ASTN2: variants seen among roughly 807,000 people sequenced by gnomAD.
ASTN2 encodes the protein astrotactin 2.
In ASTN2, 54 loss-of-function variants were observed where a neutral mutation model predicts 139.8. The ratio of observed to expected loss-of-function variants is 0.39; its 90% CI spans 0.31 to 0.48. ASTN2 has a LOEUF of 0.48. Ranked by LOEUF, ASTN2 falls within the 20% of genes least tolerant of loss-of-function variation. ASTN2 has a pLI of 0.95. For missense variants in ASTN2, 1,565 were observed against 1,725.1 expected (o/e 0.91, Z 1.64); for synonymous variants, 756 against 719.5 (o/e 1.05, Z -0.81).
intron 3 of ASTN2, among the ~76,000 whole-genome samples, chr9:117,209,081 TC>T (rs1426223264): frequency 2.0e-5 from 3 of 151,752 alleles, no homozygotes; most frequent in Non-Finnish European, 2.9e-5. Flanking sequence ...GAGAAAGGAA[TC>T]AAACCTTATC....
At chr9:116,968,817 C>G (rs1017630192) in intron 10 of ASTN2, among the ~76,000 whole-genome samples, 1 of 149,524 alleles carries the variant, frequency 6.7e-6, no homozygotes, top group Non-Finnish European at 1.5e-5. Flanking sequence ...GAGAATAGCT[C>G]GAGCTTGGGA....
At chr9:116,839,837 A>ATT (rs199882900) in intron 11 of ASTN2, among the ~76,000 whole-genome samples, 7 of 110,692 alleles carry the variant, frequency 6.3e-5, no homozygotes, top group South Asian at 2.9e-4. Context: ...CACCCAGCTG[A>ATT]TTTTTTTATT....
chr9:116,706,404 C>A (rs1269925163), intron 16 of ASTN2, among the ~76,000 whole-genome samples: 1 of 151,998 alleles, frequency 6.6e-6, no homozygotes, highest in African/African-American at 2.4e-5. Context: ...ATGCTTCCAC[C>A]TTTGTGCCTG....
intron 19 of ASTN2, among the ~76,000 whole-genome samples, chr9:116,592,348 T>C (rs183026204): frequency 6.6e-6 from 1 of 152,196 alleles, no homozygotes; most frequent in African/African-American, 2.4e-5. Context: ...ACATCTTACA[T>C]GGTTGGAGCA....
chr9:117,348,241 A>G (rs978788212), intron 1 of ASTN2, among the ~76,000 whole-genome samples: 1 of 152,192 alleles, frequency 6.6e-6, no homozygotes, highest in African/African-American at 2.4e-5. Flanking sequence ...TTTTCCAGGT[A>G]GTTCAGTCTA....
chr9:116,851,214 C>G (rs1832589504), intron 11 of ASTN2, among the ~76,000 whole-genome samples: 1 of 152,034 alleles, frequency 6.6e-6, no homozygotes, highest in South Asian at 2.1e-4. Context: ...CTATGCATAC[C>G]TAAGTGGGAA....
chr9:116,794,003 GAAGA>G, intron 13 of ASTN2, among the ~76,000 whole-genome samples: 1 of 151,562 alleles, frequency 6.6e-6, no homozygotes, highest in Middle Eastern at 3.4e-3. Context: ...CATGTTGGAA[GAAGA>G]AAGAATGGTT....
intron 20 of ASTN2, among the ~76,000 whole-genome samples, chr9:116,467,711 G>A (rs376886998): frequency 5.3e-5 from 8 of 152,190 alleles, no homozygotes; most frequent in Admixed American, 5.2e-4. Context: ...GCCTCCAAGA[G>A]TCTAAACTCA....
At chr9:116,635,514 T>C (rs1857032227) in intron 17 of ASTN2, among the ~76,000 whole-genome samples, 1 of 152,176 alleles carries the variant, frequency 6.6e-6, no homozygotes, top group Non-Finnish European at 1.5e-5. Flanking sequence ...TAAACCTATA[T>C]ATTATCTATA....
At chr9:117,339,906 CA>C (rs34679364) in intron 1 of ASTN2, among the ~76,000 whole-genome samples, 14,396 of 87,000 alleles carry the variant, frequency 0.17, 762 homozygotes, top group East Asian at 0.31. Flanking sequence ...GTCTCTTTTA[CA>C]AAAAAAAAAA....
intron 20 of ASTN2, among the ~76,000 whole-genome samples, chr9:116,445,937 A>T (rs1255929786): frequency 6.6e-6 from 1 of 152,124 alleles, no homozygotes; most frequent in Non-Finnish European, 1.5e-5. Flanking sequence ...CGTCAACCTC[A>T]CAGTGCTGGG....
chr9:116,689,325 A>G (rs577002302), intron 16 of ASTN2, among the ~76,000 whole-genome samples: 84 of 152,350 alleles, frequency 5.5e-4, no homozygotes, highest in African/African-American at 1.9e-3. Context: ...TATGATAACA[A>G]GACCAATGTC....
intron 10 of ASTN2, among the ~76,000 whole-genome samples, chr9:116,895,817 C>T (rs146554495): frequency 8.0e-4 from 121 of 152,128 alleles, no homozygotes; most frequent in African/African-American, 2.8e-3. Flanking sequence ...AGCACTGGGG[C>T]AGTGGCTCAG....
intron 19 of ASTN2, among the ~76,000 whole-genome samples, chr9:116,593,076 G>A (rs1011095158): frequency 4.6e-5 from 7 of 152,248 alleles, no homozygotes; most frequent in African/African-American, 1.7e-4. Context: ...AATTGGAAGA[G>A]TGGGGTGGAG....
At chr9:117,184,918 A>G (rs1037905546) in intron 3 of ASTN2, among the ~76,000 whole-genome samples, 1 of 152,192 alleles carries the variant, frequency 6.6e-6, no homozygotes, top group African/African-American at 2.4e-5. Context: ...TTGTTCATAT[A>G]TTATTGCATT....
chr9:116,946,563 C>G (rs1373073409), intron 10 of ASTN2, among the ~76,000 whole-genome samples: 1 of 151,982 alleles, frequency 6.6e-6, no homozygotes, highest in Admixed American at 6.6e-5. Flanking sequence ...AGTGTTAGAG[C>G]TGAGATAAAG....
intron 5 of ASTN2, among the ~76,000 whole-genome samples, chr9:117,051,720 C>T (rs1838917406): frequency 6.6e-6 from 1 of 152,130 alleles, no homozygotes; most frequent in Admixed American, 6.5e-5. Flanking sequence ...AAAAACGGAG[C>T]TGGAAGAACC....
At chr9:116,833,243 TG>T (rs1278503273) in intron 11 of ASTN2, among the ~76,000 whole-genome samples, 1 of 152,186 alleles carries the variant, frequency 6.6e-6, no homozygotes, top group Non-Finnish European at 1.5e-5. Flanking sequence ...ACAAGGTCTG[TG>T]GTGATATCAC....
chr9:116,696,520 C>G (rs901601849), intron 16 of ASTN2, among the ~76,000 whole-genome samples: 2 of 152,160 alleles, frequency 1.3e-5, no homozygotes, highest in African/African-American at 4.8e-5. Context: ...CTTTTGCCCA[C>G]TTCTTTCTTC....
Sources: allele counts gnomAD v4.1 joint callset (sites outside exome capture counted in the v4.1 genomes callset), GRCh38; gene constraint gnomAD v4.1.1; transcripts MANE v1.5; gene names NCBI Gene and HGNC (gene_info 2026-07-23, HGNC 2026-07-21).